CSMD1: variants seen among roughly 807,000 people sequenced by gnomAD.
CSMD1 encodes CUB and sushi domain-containing protein 1.
Under a neutral mutation model 417.5 loss-of-function variants are expected in CSMD1, and 213 were observed. The observed-to-expected ratio is 0.51, with a 90% CI of 0.46 to 0.57. CSMD1 has a LOEUF of 0.57. Among genes scored for constraint, CSMD1 ranks in the 20% least tolerant of loss-of-function variants. The pLI, the probability that CSMD1 is intolerant of heterozygous loss-of-function variation, is 0.00. For synonymous variants in CSMD1, 2,862 were observed against 1,736.8 expected, an observed-to-expected ratio of 1.65 and a Z score of -16.11; for missense variants, 6,923 against 4,529.7, an observed-to-expected ratio of 1.53 and a Z score of -15.17.
At chr8:3,937,739 C>A (rs2912286) in intron 5 of CSMD1, among the ~76,000 whole-genome samples, 119,277 of 151,982 alleles carry the variant, frequency 0.78, 46,904 homozygotes, top group Middle Eastern at 0.79. Flanking sequence ...ACACCAGGTA[C>A]GATATTACTG....
intron 1 of CSMD1, among the ~76,000 whole-genome samples, chr8:4,697,969 G>A (rs1449604971): frequency 2.6e-5 from 4 of 152,112 alleles, no homozygotes; most frequent in African/African-American, 9.7e-5. Flanking sequence ...ATGCTTAAAT[G>A]TAAGTATTCA....
At chr8:4,693,656 A>G (rs1315138798) in intron 1 of CSMD1, among the ~76,000 whole-genome samples, 1 of 152,000 alleles carries the variant, frequency 6.6e-6, no homozygotes, top group South Asian at 2.1e-4. Context: ...TCATTTTAGT[A>G]TTCATTTTCT....
At chr8:4,558,931 G>GA (rs11398213) in intron 2 of CSMD1, among the ~76,000 whole-genome samples, 145,275 of 152,206 alleles carry the variant, frequency 0.95, 69,626 homozygotes, top group East Asian at 1. Flanking sequence ...AACTGATCAT[G>GA]TTTTTTTTTC....
chr8:4,532,180 T>C (rs111487253), intron 2 of CSMD1, among the ~76,000 whole-genome samples: 101 of 83,144 alleles, frequency 1.2e-3, no homozygotes, highest in South Asian at 2.2e-3. Flanking sequence ...ATCCTGCACC[T>C]CCATTCAGTC....
At chr8:4,136,126 T>C (rs977384970) in intron 3 of CSMD1, among the ~76,000 whole-genome samples, 5 of 152,176 alleles carry the variant, frequency 3.3e-5, no homozygotes, top group African/African-American at 1.2e-4. Context: ...CCAAAGGACC[T>C]CTCAAAAAGA....
chr8:4,584,630 CCAA>C (rs1272122976), intron 2 of CSMD1, among the ~76,000 whole-genome samples: 3 of 152,024 alleles, frequency 2.0e-5, no homozygotes, highest in Admixed American at 6.6e-5. Context: ...CTCCGGGGTC[CCAA>C]CAACATGTTG....
intron 7 of CSMD1, among the ~76,000 whole-genome samples, chr8:3,635,793 C>CAAA (rs752552617): frequency 9.7e-4 from 96 of 99,118 alleles, no homozygotes; most frequent in African/African-American, 1.9e-3. Context: ...GCTTCCATCT[C>CAAA]AAAAAAAAAA....
At chr8:4,312,610 C>G (rs956687988) in intron 3 of CSMD1, among the ~76,000 whole-genome samples, 2 of 147,548 alleles carry the variant, frequency 1.4e-5, no homozygotes, top group Non-Finnish European at 2.9e-5. Flanking sequence ...GGCACAGTGT[C>G]TCACGCCTGT....
chr8:4,347,558 C>G (rs533811514), intron 3 of CSMD1, among the ~76,000 whole-genome samples: 1 of 152,132 alleles, frequency 6.6e-6, no homozygotes, highest in African/African-American at 2.4e-5. Context: ...AAATACTTCC[C>G]TGTTGCCTAT....
intron 3 of CSMD1, among the ~76,000 whole-genome samples, chr8:4,033,864 A>C (rs1797483373): frequency 6.6e-6 from 1 of 152,220 alleles, no homozygotes. Context: ...GAAACGGTAC[A>C]TCATTCAGTT....
intron 5 of CSMD1, among the ~76,000 whole-genome samples, chr8:3,882,363 C>G (rs1346878866): frequency 6.6e-6 from 1 of 152,194 alleles, no homozygotes; most frequent in South Asian, 2.1e-4. Context: ...AATACTGCAT[C>G]CCCACTAGAA....
intron 3 of CSMD1, among the ~76,000 whole-genome samples, chr8:4,067,459 G>C (rs1799310828): frequency 6.7e-6 from 1 of 149,342 alleles, no homozygotes; most frequent in Admixed American, 6.7e-5. Context: ...TGGTATATCA[G>C]TTCTTTTCAC....
intron 50 of CSMD1, among the ~76,000 whole-genome samples, chr8:3,037,018 T>C (rs967615840): frequency 3.3e-5 from 5 of 152,166 alleles, no homozygotes; most frequent in African/African-American, 4.8e-5. Flanking sequence ...TGTATCATTC[T>C]TATGCATTTG....
At chr8:4,198,038 A>C (rs1799438961) in intron 3 of CSMD1, among the ~76,000 whole-genome samples, 1 of 152,136 alleles carries the variant, frequency 6.6e-6, no homozygotes, top group Non-Finnish European at 1.5e-5. Context: ...TGCAGCAATG[A>C]AGAAGTATTT....
chr8:3,864,510 C>A (rs183833201), intron 5 of CSMD1, among the ~76,000 whole-genome samples: 60 of 152,252 alleles, frequency 3.9e-4, no homozygotes, highest in Admixed American at 3.1e-3. Context: ...GGTACATGTG[C>A]ACAACGTGCA....
intron 5 of CSMD1, among the ~76,000 whole-genome samples, chr8:3,858,022 T>G (rs1414351230): frequency 1.3e-5 from 2 of 152,224 alleles, no homozygotes; most frequent in Non-Finnish European, 2.9e-5. Flanking sequence ...TGCACATGTG[T>G]TCTTGGAAAA....
intron 3 of CSMD1, among the ~76,000 whole-genome samples, chr8:4,314,044 A>G (rs1199527818): frequency 6.6e-6 from 1 of 151,220 alleles, no homozygotes; most frequent in Non-Finnish European, 1.5e-5. Flanking sequence ...AATGATAATA[A>G]TAATAATAAT....
rs778341175 is a variant in CSMD1 at position 2,962,602 on chromosome 8, C to T, written c.9492G>A (p.Gly3164=). 3.1e-6 allele frequency: 5 copies of T among 1,613,880 alleles called. No individual in the cohort carries two copies. The highest frequency in any genetic ancestry group is 4.2e-6 in the Non-Finnish European group (5 of 1,179,842). The change falls in exon 61 of 70, where the codon GGG becomes GGA. Residue 3164 remains glycine (G), a synonymous_variant. Transcript: ENST00000635120. The part of the protein sequence containing the change: ...FCGDPGIPAE[G]RLSGKSFTYK... ...AGGTGAAACTTTTCCCACTAAGTCG[C>T]CCTTCTGCGGGGATGCCAGGGTCTC...
chr8:4,259,271 T>G (rs1186615766), intron 3 of CSMD1, among the ~76,000 whole-genome samples: 1 of 152,050 alleles, frequency 6.6e-6, no homozygotes, highest in Non-Finnish European at 1.5e-5. Context: ...GCAACCCCCC[T>G]CCCTGGCTGG....
Sources: allele counts gnomAD v4.1 joint callset (sites outside exome capture counted in the v4.1 genomes callset), GRCh38; gene constraint gnomAD v4.1.1; transcripts MANE v1.5; gene names NCBI Gene and HGNC (gene_info 2026-07-23, HGNC 2026-07-21).